APBB1IP: variants seen among roughly 807,000 people sequenced by gnomAD.
APBB1IP encodes the protein amyloid beta precursor protein binding family B member 1 interacting protein.
Under a neutral mutation model 64.9 loss-of-function variants are expected in APBB1IP, and 27 were observed. The observed-to-expected ratio is 0.42, with a 90% CI of 0.31 to 0.57. APBB1IP has a LOEUF of 0.57. Among genes scored for constraint, APBB1IP ranks in the 20% least tolerant of loss-of-function variants. The probability of loss-of-function intolerance (pLI) is 0.20; values close to 1 mark genes in which losing one functional copy is unlikely to be tolerated. For synonymous variants in APBB1IP, 392 were observed against 331.0 expected (o/e 1.18, Z -2.00); for missense variants, 812 against 845.5 (o/e 0.96, Z 0.49).
intron 10 of APBB1IP, among the ~76,000 whole-genome samples, chr10:26,538,505 G>A (rs1361030599): frequency 1.3e-5 from 2 of 151,804 alleles, no homozygotes; most frequent in Admixed American, 6.6e-5. Context: ...GCCAGGCGTG[G>A]TGGCGGGCGC....
At chr10:26,559,441 G>T (rs1292669575) in intron 11 of APBB1IP, among the ~76,000 whole-genome samples, 1 of 151,780 alleles carries the variant, frequency 6.6e-6, no homozygotes, top group African/African-American at 2.4e-5. Context: ...GCTGGACATG[G>T]TGGTGTGCAC....
At chr10:26,454,083 T>G (rs1356824057) in intron 2 of APBB1IP, among the ~76,000 whole-genome samples, 1 of 152,198 alleles carries the variant, frequency 6.6e-6, no homozygotes, top group African/African-American at 2.4e-5. Context: ...GAGGTCATTA[T>G]AAGTAAAAAA....
intron 2 of APBB1IP, among the ~76,000 whole-genome samples, chr10:26,466,861 A>G (rs1206888864): frequency 6.6e-6 from 1 of 152,126 alleles, no homozygotes; most frequent in Non-Finnish European, 1.5e-5. Flanking sequence ...GCTTGAGCCC[A>G]GGAGTTTGAA....
At chr10:26,535,029 C>T (rs1836602668) in intron 9 of APBB1IP, among the ~76,000 whole-genome samples, 2 of 151,964 alleles carry the variant, frequency 1.3e-5, no homozygotes, top group Non-Finnish European at 2.9e-5. Flanking sequence ...ATTTATGGAA[C>T]TAAATGAGAG....
At chr10:26,485,087 G>C (rs1023632002) in intron 2 of APBB1IP, among the ~76,000 whole-genome samples, 1 of 152,194 alleles carries the variant, frequency 6.6e-6, no homozygotes, top group Non-Finnish European at 1.5e-5. Flanking sequence ...GGCCTAAATA[G>C]ATGTGAGCCC....
At chr10:26,541,206 G>A (rs1836692377) in intron 10 of APBB1IP, among the ~76,000 whole-genome samples, 1 of 152,092 alleles carries the variant, frequency 6.6e-6, no homozygotes, top group African/African-American at 2.4e-5. Flanking sequence ...AATAATAATT[G>A]TACATATGCA....
chr10:26,484,936 C>T (rs1424852094), intron 2 of APBB1IP, among the ~76,000 whole-genome samples: 1 of 152,134 alleles, frequency 6.6e-6, no homozygotes, highest in East Asian at 1.9e-4. Flanking sequence ...TAACCTATTA[C>T]TTGAAATGTT....
At chr10:26,448,668 C>T (rs1835428136) in intron 2 of APBB1IP, among the ~76,000 whole-genome samples, 1 of 152,168 alleles carries the variant, frequency 6.6e-6, no homozygotes, top group South Asian at 2.1e-4. Context: ...ATCTTTAAAC[C>T]TACACCCAGA....
chr10:26,524,606 A>T (rs564231747), intron 8 of APBB1IP, among the ~76,000 whole-genome samples: 1 of 152,196 alleles, frequency 6.6e-6, no homozygotes, highest in Non-Finnish European at 1.5e-5. Context: ...GAAGGTATGC[A>T]TTGGTTCCCA....
rs1342326692 is a variant in APBB1IP at position 26,567,116 on chromosome 10, CG to C, written c.1634del (p.Gly545AlafsTer111). On this transcript the variant is annotated frameshift_variant, in exon 15 of 15. Coordinates refer to ENST00000376236, the MANE Select transcript of APBB1IP (RefSeq NM_019043.4). LOFTEE classifies it low-confidence loss of function (END_TRUNC). ...CCCTCAAGGCCAAGGGCACAGGCGG[CG>C]GGGGCTTGCCCGCCCCACCCGACGA... is the stretch of plus-strand genomic sequence containing the variant. ...TPLKAKGTGG[G>X]GLPAPPDDFL... 2.1e-6 allele frequency: 3 copies of C among 1,427,058 alleles called. No individual in the cohort carries two copies. The highest frequency in any genetic ancestry group is 3.2e-5 in the Admixed American group (1 of 30,866). The allele number at this position is 1,427,058 out of a possible 1,614,324, so 88.4% of individuals were successfully genotyped here.
intron 11 of APBB1IP, among the ~76,000 whole-genome samples, chr10:26,548,835 C>T (rs1225273465): frequency 6.6e-6 from 1 of 152,140 alleles, no homozygotes; most frequent in Non-Finnish European, 1.5e-5. Flanking sequence ...CCTTTTCTTT[C>T]TTTCTCTTGC....
chr10:26,478,071 ACC>A, intron 2 of APBB1IP, among the ~76,000 whole-genome samples: 1 of 152,296 alleles, frequency 6.6e-6, no homozygotes, highest in East Asian at 1.9e-4. Context: ...CCGGGCTTAC[ACC>A]GTAGTTGATG....
chr10:26,533,973 C>T (rs1324605635), intron 9 of APBB1IP, among the ~76,000 whole-genome samples: 2 of 151,730 alleles, frequency 1.3e-5, no homozygotes, highest in African/African-American at 4.8e-5. Context: ...GGACAGTCCC[C>T]GCCCCCCCGA....
chr10:26,467,638 G>T (rs1475148864), intron 2 of APBB1IP, among the ~76,000 whole-genome samples: 1 of 152,154 alleles, frequency 6.6e-6, no homozygotes, highest in Non-Finnish European at 1.5e-5. Flanking sequence ...CAAGACTGCT[G>T]TGAGCTACGA....
At chr10:26,468,266 A>G (rs1378984892) in intron 2 of APBB1IP, among the ~76,000 whole-genome samples, 1 of 152,214 alleles carries the variant, frequency 6.6e-6, no homozygotes, top group African/African-American at 2.4e-5. Flanking sequence ...TATTTTATTT[A>G]TTCCTTTTAT....
intron 11 of APBB1IP, among the ~76,000 whole-genome samples, chr10:26,555,421 G>A (rs766013805): frequency 6.6e-5 from 10 of 152,020 alleles, no homozygotes; most frequent in South Asian, 4.2e-4. Flanking sequence ...GCATTCTGTC[G>A]CTTCTTCCAA....
rs1483821691 is a variant in APBB1IP at position 26,567,148 on chromosome 10, T to TGCCGCCGCCGCCACC, written c.1671_1685dup (p.Pro558_Pro562dup). On this transcript the variant is annotated inframe_insertion, in exon 15 of 15. Coordinates refer to ENST00000376236, the MANE Select transcript of APBB1IP (RefSeq NM_019043.4). Reference sequence around the variant, plus strand: ...TTGCCCGCCCCACCCGACGACTTCCTGCCGCCGCCGCCACCGCCGCCGCCC... The same window carrying TGCCGCCGCCGCCACC: ...TTGCCCGCCCCACCCGACGACTTCCTGCCGCCGCCGCCACCGCCGCCGCCGCCACCGCCGCCGCCC... The TGCCGCCGCCGCCACC allele has an allele frequency of 1.4e-6, 2 of 1,414,890 alleles. No homozygotes were observed. The highest frequency in any genetic ancestry group is 1.4e-5 in the South Asian group (1 of 69,682). The allele number at this position is 1,414,890 out of a possible 1,614,324, so 87.6% of individuals were successfully genotyped here. A position where few individuals can be genotyped will look rare whatever the true frequency, so the allele number is the denominator to read the frequency against.
intron 4 of APBB1IP, among the ~76,000 whole-genome samples, chr10:26,497,721 ATTTTTTTTTTTT>A (rs895511347): frequency 1.0e-5 from 1 of 100,336 alleles, no homozygotes; most frequent in African/African-American, 3.7e-5. Flanking sequence ...TGTCCTCTGG[ATTTTTTTTTTTT>A]TTTTTTTTTT....
intron 11 of APBB1IP, among the ~76,000 whole-genome samples, chr10:26,551,177 T>C (rs1404526674): frequency 6.6e-6 from 1 of 152,232 alleles, no homozygotes; most frequent in Non-Finnish European, 1.5e-5. Flanking sequence ...TCCACCTGGC[T>C]GCTGCTAGCC....
Sources: gnomAD v4.1 joint callset for allele counts (sites outside exome capture counted in the v4.1 genomes callset) on GRCh38, gnomAD v4.1.1 for gene constraint, MANE v1.5 for transcripts, NCBI Gene and HGNC (gene_info 2026-07-23, HGNC 2026-07-21) for gene names.